The following USP24 variants were observed in gnomAD, a reference collection of about 807,000 sequenced individuals.
The protein encoded by USP24 is ubiquitin carboxyl-terminal hydrolase 24.
USP24 carries 97 observed loss-of-function variants against 361.6 expected under a neutral mutation model. The observed-to-expected ratio is 0.27, with a 90% CI of 0.23 to 0.32. USP24 has a LOEUF of 0.32. USP24 is among the 10% of genes least tolerant of loss of function. The pLI, the probability that USP24 is intolerant of heterozygous loss-of-function variation, is 1.00. For missense variants in USP24, 2,353 were observed against 3,165.6 expected, an observed-to-expected ratio of 0.74 and a Z score of 6.16; for synonymous variants, 1,098 against 1,124.6, an observed-to-expected ratio of 0.98 and a Z score of 0.47.
intron 1 of USP24, among the ~76,000 whole-genome samples, chr1:55,196,630 G>A (rs1247651579): frequency 6.6e-6 from 1 of 152,176 alleles, no homozygotes; most frequent in Non-Finnish European, 1.5e-5. Context: ...CTGGACACCA[G>A]GCACATATCC....
chr1:55,108,327 G>C (rs979954524), intron 39 of USP24, among the ~76,000 whole-genome samples: 1 of 152,128 alleles, frequency 6.6e-6, no homozygotes, highest in African/African-American at 2.4e-5. Flanking sequence ...GTTGAGACTT[G>C]GGAGGGGAGG....
At chr1:55,137,750 C>T in intron 27 of USP24, 56 bp downstream of exon 27, 8 of 1,553,278 alleles carry the variant, frequency 5.2e-6, no homozygotes, top group Non-Finnish European at 7.0e-6. Context: ...TCATATCAGG[C>T]TAAATATTTA....
chr1:55,143,522 A>C (rs1646945925), intron 21 of USP24, among the ~76,000 whole-genome samples: 1 of 152,208 alleles, frequency 6.6e-6, no homozygotes, highest in Non-Finnish European at 1.5e-5. Flanking sequence ...GTCTTTCTAA[A>C]GCTCAGTAGT....
chr1:55,125,768 G>T lies in USP24; in HGVS notation c.3636-10C>A. 6.5e-7 allele frequency: 1 copy of T among 1,546,828 alleles called. No individual in the cohort carries two copies. The highest frequency in any genetic ancestry group is 1.2e-5 in the South Asian group (1 of 80,778). ...GACATTTACAACCAAACTTCAAAAA[G>T]AAGAAAAAAAGGCAGGATATTAAAG... is the stretch of plus-strand genomic sequence containing the variant. On this transcript the variant is annotated splice_polypyrimidine_tract_variant and intron_variant, in intron 32 of 67. Transcript: ENST00000294383.
At chr1:55,185,986 C>G (rs1297873439) in intron 1 of USP24, among the ~76,000 whole-genome samples, 2 of 152,108 alleles carry the variant, frequency 1.3e-5, no homozygotes, top group East Asian at 3.8e-4. Context: ...AAAGCATAAA[C>G]CACCAAAACT....
intron 62 of USP24, among the ~76,000 whole-genome samples, chr1:55,076,413 G>A (rs1354201726): frequency 6.6e-6 from 1 of 152,182 alleles, no homozygotes; most frequent in African/African-American, 2.4e-5. Flanking sequence ...CATCTATGAT[G>A]TCTTTTCTTA....
At chr1:55,099,425 G>A (rs1333303641) in intron 45 of USP24, among the ~76,000 whole-genome samples, 1 of 152,000 alleles carries the variant, frequency 6.6e-6, no homozygotes, top group African/African-American at 2.4e-5. Context: ...GGGCGTGGTG[G>A]TGCACACCTG....
intron 44 of USP24, among the ~76,000 whole-genome samples, chr1:55,100,239 G>A (rs557483500): frequency 1.1e-4 from 17 of 152,334 alleles, no homozygotes; most frequent in African/African-American, 3.1e-4. Context: ...TCTCACGCCT[G>A]TAATCCCAGC....
intron 34 of USP24, among the ~76,000 whole-genome samples, chr1:55,124,886 A>G (rs1646382798): frequency 6.6e-6 from 1 of 152,058 alleles, no homozygotes; most frequent in Non-Finnish European, 1.5e-5. Flanking sequence ...CCCACATACT[A>G]TGACCTCATG....
chr1:55,212,766 T>C lies in USP24; in HGVS notation c.324+2024A>G, dbSNP rs79785914. Among the ~76,000 whole-genome samples the C allele has an allele frequency of 6.5e-3, 994 of 152,322 alleles. 12 individuals carry two copies. The highest frequency in any genetic ancestry group is 0.021 in the African/African-American group (889 of 41,574). On this transcript the variant is annotated intron_variant, in intron 1 of 67. Coordinates refer to ENST00000294383, the MANE Select transcript of USP24 (RefSeq NM_015306.3). ...AAGCAGCCTCAGTCACCAGCTCCTCTTGAACTCTTAAAAGTAAACGGTGCA... is the reference window on the plus strand; with the variant it reads ...AAGCAGCCTCAGTCACCAGCTCCTCCTGAACTCTTAAAAGTAAACGGTGCA...
intron 56 of USP24, among the ~76,000 whole-genome samples, chr1:55,085,434 T>A (rs1303959194): frequency 6.6e-6 from 1 of 152,248 alleles, no homozygotes; most frequent in Admixed American, 6.5e-5. Flanking sequence ...AAGTTTTCCA[T>A]GTAGTGTCAG....
At chr1:55,199,468 T>C (rs1644505850) in intron 1 of USP24, among the ~76,000 whole-genome samples, 1 of 152,134 alleles carries the variant, frequency 6.6e-6, no homozygotes, top group African/African-American at 2.4e-5. Context: ...TAAATTCCTT[T>C]GGTAGGATAA....
chr1:55,193,613 T>A (rs150227445), intron 1 of USP24, among the ~76,000 whole-genome samples: 1 of 152,014 alleles, frequency 6.6e-6, no homozygotes, highest in Non-Finnish European at 1.5e-5. Flanking sequence ...AGGAGAGATA[T>A]GGTAAAGGGG....
chr1:55,200,910 T>C (rs1477621082), intron 1 of USP24, among the ~76,000 whole-genome samples: 1 of 152,216 alleles, frequency 6.6e-6, no homozygotes, highest in African/African-American at 2.4e-5. Flanking sequence ...TATTTTTCTA[T>C]GTGAGCTAAA....
chr1:55,069,193 CT>C (rs1644869915), intron 67 of USP24, 86 bp from the exon 68 acceptor site: 2 of 1,321,580 alleles, frequency 1.5e-6, no homozygotes, highest in Admixed American at 1.7e-5. Context: ...TTAAACATGT[CT>C]TCATCTGGCA....
intron 32 of USP24, among the ~76,000 whole-genome samples, chr1:55,126,501 T>C (rs767037960): frequency 6.6e-6 from 1 of 152,266 alleles, no homozygotes; most frequent in Non-Finnish European, 1.5e-5. Flanking sequence ...TTCATGAGGA[T>C]GTGGATTTTG....
intron 1 of USP24, among the ~76,000 whole-genome samples, chr1:55,208,712 C>T (rs912791990): frequency 4.6e-5 from 7 of 151,028 alleles, no homozygotes; most frequent in African/African-American, 1.7e-4. Context: ...CAGAGGCAGG[C>T]GGATCACGAG....
At chr1:55,130,285 T>C (rs1057281504) in intron 31 of USP24, among the ~76,000 whole-genome samples, 4 of 152,238 alleles carry the variant, frequency 2.6e-5, no homozygotes, top group Non-Finnish European at 4.4e-5. Flanking sequence ...AGGCATACAA[T>C]GCTCCCTTTT....
In USP24 at chr1:55,130,268, A is replaced by G. The variant is rs190593693; in HGVS notation, c.3538-694T>C. On this transcript the variant is annotated intron_variant, in intron 31 of 67. Transcript: ENST00000294383. The stretch of plus-strand genomic sequence containing the variant: ...CACATTCTAGTTTTACCTAGCTGAG[A>G]GACCTTAGGCATACAATGCTCCCTT... Among the ~76,000 whole-genome samples, 429 of 152,348 alleles carry G rather than the reference A, an allele frequency of 2.8e-3. 2 individuals carry two copies. Among genetic ancestry groups the G allele is most frequent in the Non-Finnish European group, 4.8e-3 (327 of 68,026 alleles).
Sources: gnomAD v4.1 joint callset for allele counts (sites outside exome capture counted in the v4.1 genomes callset) on GRCh38, gnomAD v4.1.1 for gene constraint, MANE v1.5 for transcripts, NCBI Gene and HGNC (gene_info 2026-07-23, HGNC 2026-07-21) for gene names.